Variants in NFIA observed in about 807,000 individuals in gnomAD.
The protein encoded by NFIA is nuclear factor I A, also known as nuclear factor 1 A-type.
NFIA carries 8 observed loss-of-function variants against 62.8 expected under a neutral mutation model. The ratio of observed to expected loss-of-function variants is 0.13; its 90% CI spans 0.07 to 0.23. NFIA has a LOEUF of 0.23. Ranked by LOEUF, NFIA falls within the 10% of genes least tolerant of loss-of-function variation. NFIA has a pLI of 1.00. For missense variants in NFIA, 410 were observed against 642.1 expected (o/e 0.64, Z 3.91); for synonymous variants, 235 against 238.1 (o/e 0.99, Z 0.12).
At chr1:61,418,323 T>C (rs1666449675) in intron 9 of NFIA, among the ~76,000 whole-genome samples, 2 of 151,806 alleles carry the variant, frequency 1.3e-5, no homozygotes, top group African/African-American at 4.8e-5. Context: ...TTTCCAGGCA[T>C]GTGGCACACA....
intron 3 of NFIA, among the ~76,000 whole-genome samples, chr1:61,291,988 A>C (rs1658914337): frequency 6.6e-6 from 1 of 152,198 alleles, no homozygotes; most frequent in Non-Finnish European, 1.5e-5. Flanking sequence ...CAGTCAATGA[A>C]AATAGTAAAT....
chr1:61,178,772 T>C (rs918932217), intron 2 of NFIA, among the ~76,000 whole-genome samples: 1 of 152,162 alleles, frequency 6.6e-6, no homozygotes, highest in Non-Finnish European at 1.5e-5. Context: ...CTTGTTTCTG[T>C]GGTTTGGGTT....
At chr1:61,175,540 G>A (rs1650283251) in intron 2 of NFIA, among the ~76,000 whole-genome samples, 1 of 152,172 alleles carries the variant, frequency 6.6e-6, no homozygotes, top group African/African-American at 2.4e-5. Context: ...GTAATTGTTA[G>A]GGTAGAGTAC....
chr1:61,245,549 C>T (rs560501591), intron 2 of NFIA, among the ~76,000 whole-genome samples: 126 of 151,958 alleles, frequency 8.3e-4, no homozygotes, highest in Non-Finnish European at 1.4e-3. Flanking sequence ...AACATAATTA[C>T]GTAGGTAAAG....
intron 2 of NFIA, among the ~76,000 whole-genome samples, chr1:61,206,447 G>A (rs1652906750): frequency 6.6e-6 from 1 of 152,194 alleles, no homozygotes; most frequent in African/African-American, 2.4e-5. Flanking sequence ...CAATTTCACA[G>A]TGTTGACTAG....
intron 3 of NFIA, among the ~76,000 whole-genome samples, chr1:61,310,586 A>G (rs145217357): frequency 3.9e-5 from 6 of 152,178 alleles, no homozygotes; most frequent in Admixed American, 3.9e-4. Flanking sequence ...ACTTTCCCCA[A>G]ATGCCAGTCA....
intron 3 of NFIA, among the ~76,000 whole-genome samples, chr1:61,290,891 T>C (rs1349002470): frequency 6.6e-6 from 1 of 152,212 alleles, no homozygotes; most frequent in South Asian, 2.1e-4. Context: ...GACTTTATGC[T>C]TGTGAACTCA....
At chr1:61,188,477 A>G (rs1025051851) in intron 2 of NFIA, among the ~76,000 whole-genome samples, 1 of 152,168 alleles carries the variant, frequency 6.6e-6, no homozygotes, top group Admixed American at 6.5e-5. Context: ...TGTTTTCCCC[A>G]TATGAGTTGT....
intron 10 of NFIA, among the ~76,000 whole-genome samples, chr1:61,432,660 T>C (rs1667156852): frequency 1.3e-5 from 2 of 151,898 alleles, no homozygotes; most frequent in South Asian, 4.2e-4. Flanking sequence ...TATACATATA[T>C]ATACAGAGAT....
chr1:61,200,720 T>C (rs1470472061), intron 2 of NFIA, among the ~76,000 whole-genome samples: 1 of 152,182 alleles, frequency 6.6e-6, no homozygotes, highest in Admixed American at 6.5e-5. Context: ...AACCACATAA[T>C]TAAATGTGTA....
chr1:61,423,707 G>C (rs949438965), intron 9 of NFIA, among the ~76,000 whole-genome samples: 1 of 152,062 alleles, frequency 6.6e-6, no homozygotes, highest in Non-Finnish European at 1.5e-5. Context: ...TTCAATTAAG[G>C]TTTTATTCAA....
At chr1:61,366,800 G>A (rs1174444699) in intron 6 of NFIA, among the ~76,000 whole-genome samples, 1 of 152,124 alleles carries the variant, frequency 6.6e-6, no homozygotes, top group Non-Finnish European at 1.5e-5. Context: ...GCGCCCTCCT[G>A]TAATCCCAGC....
At chr1:61,418,465 GAAAAA>G (rs35438395) in intron 9 of NFIA, among the ~76,000 whole-genome samples, 1 of 146,836 alleles carries the variant, frequency 6.8e-6, no homozygotes, top group Non-Finnish European at 1.5e-5. Flanking sequence ...TCTCAAAAAA[GAAAAA>G]AAAAATCATC....
At chr1:61,134,763 G>A (rs528044123) in intron 2 of NFIA, among the ~76,000 whole-genome samples, 1 of 152,304 alleles carries the variant, frequency 6.6e-6, no homozygotes, top group South Asian at 2.1e-4. Context: ...GCTGAGGTGG[G>A]AGGATTGTTT....
intron 2 of NFIA, among the ~76,000 whole-genome samples, chr1:61,116,877 A>C (rs2100462895): frequency 6.6e-6 from 1 of 152,374 alleles, no homozygotes; most frequent in East Asian, 1.9e-4. Context: ...TAAAAATTAA[A>C]TAATGACCTT....
intron 9 of NFIA, among the ~76,000 whole-genome samples, chr1:61,423,791 A>G (rs1212117217): frequency 1.3e-5 from 2 of 152,124 alleles, no homozygotes; most frequent in African/African-American, 4.8e-5. Context: ...TTTTGGGACT[A>G]TATCCTGTTA....
chr1:61,437,207 T>G (rs1297560763), intron 10 of NFIA, among the ~76,000 whole-genome samples: 1 of 152,180 alleles, frequency 6.6e-6, no homozygotes, highest in Non-Finnish European at 1.5e-5. Flanking sequence ...CCAGCCCTCA[T>G]GACATACAGC....
At chr1:61,218,351 T>A (rs12754474) in intron 2 of NFIA, among the ~76,000 whole-genome samples, 8,917 of 152,278 alleles carry the variant, frequency 0.059, 330 homozygotes, top group Admixed American at 0.084. Context: ...CGAATTGATA[T>A]ACAAAGTGGT....
intron 5 of NFIA, among the ~76,000 whole-genome samples, chr1:61,354,683 C>T (rs1354794484): frequency 1.3e-5 from 2 of 152,154 alleles, no homozygotes; most frequent in South Asian, 4.1e-4. Flanking sequence ...GAGAATAGGA[C>T]TGACTCTTTT....
Sources: allele counts gnomAD v4.1 joint callset (sites outside exome capture counted in the v4.1 genomes callset), GRCh38; gene constraint gnomAD v4.1.1; transcripts MANE v1.5; gene names NCBI Gene and HGNC (gene_info 2026-07-23, HGNC 2026-07-21).